Variants in MAEA observed in about 807,000 individuals in gnomAD.
The protein encoded by MAEA is E3 ubiquitin-protein transferase MAEA.
Under a neutral mutation model 46.2 loss-of-function variants are expected in MAEA, and 22 were observed. The ratio of observed to expected loss-of-function variants is 0.48; its 90% CI spans 0.34 to 0.68. The LOEUF is 0.68. MAEA is among the 30% of genes least tolerant of loss of function. MAEA has a pLI of 0.01. For missense variants in MAEA, 393 were observed against 558.1 expected, an observed-to-expected ratio of 0.70 and a Z score of 2.98; for synonymous variants, 246 against 222.6, an observed-to-expected ratio of 1.11 and a Z score of -0.94.
intron 1 of MAEA, among the ~76,000 whole-genome samples, chr4:1,301,865 A>T (rs1039617563): frequency 1.3e-5 from 2 of 152,278 alleles, no homozygotes; most frequent in Non-Finnish European, 2.9e-5. Context: ...TGAAGTTACT[A>T]CAAAAAACCT....
intron 7 of MAEA, 49 bp from the exon 8 acceptor site, chr4:1,338,373 C>T: frequency 1.3e-6 from 2 of 1,514,224 alleles, no homozygotes; most frequent in Non-Finnish European, 1.8e-6. Flanking sequence ...GCTGGGCTCA[C>T]CCCGGCTGCC....
chr4:1,290,006 T>C (rs373958806), intron 1 of MAEA, 24 bp downstream of exon 1: 2 of 1,563,820 alleles, frequency 1.3e-6, no homozygotes, highest in Non-Finnish European at 1.7e-6. Context: ...CCGCGCAGGC[T>C]GAGGGCAGCG....
rs144518121 is a variant in MAEA at position 1,320,253 on chromosome 4, G to A, written c.457-2128G>A. On this transcript the variant is annotated intron_variant, in intron 3 of 8. Transcript: ENST00000303400. Reference sequence around the variant, plus strand: ...CTTCAGAAAAGAAATCAAAGCAAACGTGCAAGAAAACTCTATGACGGGGCT... The same window carrying A: ...CTTCAGAAAAGAAATCAAAGCAAACATGCAAGAAAACTCTATGACGGGGCT... 1.5e-3 allele frequency among the ~76,000 whole-genome samples: 218 copies of A among 142,926 alleles called. 1 individual carries two copies. Among genetic ancestry groups the A allele is most frequent in the African/African-American group, 5.5e-3 (206 of 37,670 alleles). 93.8% of individuals were successfully genotyped at this position (142,926 alleles called of 152,430 possible). A position where few individuals can be genotyped will look rare whatever the true frequency, so the allele number is the denominator to read the frequency against.
Position 1,299,270 on chromosome 4 carries a change from C to T in MAEA, c.69+9288C>T, listed in dbSNP as rs74567170. On this transcript the variant is annotated intron_variant, in intron 1 of 8. Transcript: ENST00000303400. ...CCCTTCTCTTCGGGAAGGGCAGCCC[C>T]TCCATCTCCCTTGGTCAGGCCAGAA... is the stretch of plus-strand genomic sequence containing the variant. Among the ~76,000 whole-genome samples the T allele has an allele frequency of 2.3e-3, 357 of 152,332 alleles. 2 individuals are homozygous for T. The highest frequency in any genetic ancestry group is 8.2e-3 in the African/African-American group (340 of 41,572).
At position 1,322,510 on chromosome 4, in the gene MAEA, G is replaced by C. The variant is rs570852502; in HGVS notation, c.579+7G>C. On this transcript the variant is annotated splice_region_variant and intron_variant, in intron 4 of 8. Transcript: ENST00000303400. ...CCGGCTCCGGAAGATGAAGGTGCAC[G>C]GACTCCCAGGTTGGGGTGGGAGTGG... 1 of 1,613,284 alleles carries C rather than the reference G, an allele frequency of 6.2e-7. No individual in the cohort carries two copies. The highest frequency in any genetic ancestry group is 8.5e-7 in the Non-Finnish European group (1 of 1,179,752).
At chr4:1,292,734 C>T (rs551321424) in intron 1 of MAEA, among the ~76,000 whole-genome samples, 1 of 152,284 alleles carries the variant, frequency 6.6e-6, no homozygotes, top group Admixed American at 6.5e-5. Flanking sequence ...CTTGTTTCTT[C>T]CTCTTACCAA....
rs1215294359 is a variant in MAEA at position 1,311,200 on chromosome 4, G to C, written c.70-779G>C. Among the ~76,000 whole-genome samples, 1 of 152,244 alleles carries C rather than the reference G, an allele frequency of 6.6e-6. No homozygotes were observed. Among genetic ancestry groups the C allele is most frequent in the African/African-American group, 2.4e-5 (1 of 41,470 alleles). ...TTGCTGATGCGCTGTGTGGTGAGCTGCCGGCCACCAGTGCAGCCAGGACCG... is the reference window on the plus strand; with the variant it reads ...TTGCTGATGCGCTGTGTGGTGAGCTCCCGGCCACCAGTGCAGCCAGGACCG... On this transcript the variant is annotated intron_variant, in intron 1 of 8. Coordinates refer to ENST00000303400, the MANE Select transcript of MAEA (RefSeq NM_001017405.3). This position sits in a 1 kb window ranked among gnomAD's most constrained non-coding sequence, Gnocchi z 4.4.
intron 1 of MAEA, among the ~76,000 whole-genome samples, chr4:1,303,388 A>G (rs1735519975): frequency 1.1e-5 from 1 of 93,016 alleles, no homozygotes; most frequent in Non-Finnish European, 1.9e-5. Context: ...GGCGACAGTG[A>G]GACTCTGTCT....
intron 3 of MAEA, among the ~76,000 whole-genome samples, chr4:1,318,883 C>G (rs1737653714): frequency 6.6e-6 from 1 of 152,116 alleles, no homozygotes; most frequent in Non-Finnish European, 1.5e-5. Flanking sequence ...GAGCAAGGTC[C>G]CAGACAATAC....
At chr4:1,322,089 G>A (rs1179864082) in intron 3 of MAEA, among the ~76,000 whole-genome samples, 4 of 152,202 alleles carry the variant, frequency 2.6e-5, no homozygotes, top group African/African-American at 9.6e-5. Context: ...GCCTGCATGT[G>A]TGTCTCAGCA....
intron 5 of MAEA, chr4:1,329,944 G>C (rs1739325915): frequency 1.0e-6 from 1 of 985,464 alleles, no homozygotes; most frequent in Non-Finnish European, 1.2e-6. Context: ...GGAGCGTCGG[G>C]CACCATCTAC....
chr4:1,294,379 G>T (rs1043587772), intron 1 of MAEA, among the ~76,000 whole-genome samples: 1 of 152,150 alleles, frequency 6.6e-6, no homozygotes, highest in African/African-American at 2.4e-5. Context: ...CTAGCTGGGG[G>T]GTTGGTTTTG....
chr4:1,306,176 TG>T lies in MAEA; in HGVS notation c.70-5802del, dbSNP rs146415235. Among the ~76,000 whole-genome samples the T allele has an allele frequency of 3.0e-3, 458 of 152,290 alleles. 5 individuals are homozygous for T. Among genetic ancestry groups the T allele is most frequent in the African/African-American group, 0.011 (445 of 41,546 alleles). ...ACACCCAGAATAATACTTGGCCAAA[TG>T]TTTGTTGGGGAACCTGGCAGCGTCA... is the stretch of plus-strand genomic sequence containing the variant. On this transcript the variant is annotated intron_variant, in intron 1 of 8. Coordinates refer to ENST00000303400, the MANE Select transcript of MAEA (RefSeq NM_001017405.3).
At chr4:1,300,585 G>A (rs536155106) in intron 1 of MAEA, among the ~76,000 whole-genome samples, 31 of 152,390 alleles carry the variant, frequency 2.0e-4, no homozygotes, top group South Asian at 1.2e-3. Flanking sequence ...CGGCTCTTCC[G>A]TGCTGCCGGC....
chr4:1,329,480 C>T (rs1193661536), intron 5 of MAEA: 29 of 985,212 alleles, frequency 2.9e-5, no homozygotes, highest in Non-Finnish European at 2.9e-5. Flanking sequence ...CGTGTCCTTC[C>T]TCCCGCAAGC....
chr4:1,338,665 G>A (rs1713122880), intron 8 of MAEA, 48 bp downstream of exon 8: 2 of 1,533,444 alleles, frequency 1.3e-6, no homozygotes, highest in Non-Finnish European at 1.8e-6. Context: ...ATCGCCATCG[G>A]GACAGGGCTG....
At chr4:1,322,982 G>T (rs2108961437) in intron 4 of MAEA, among the ~76,000 whole-genome samples, 1 of 115,642 alleles carries the variant, frequency 8.6e-6, no homozygotes, top group Non-Finnish European at 1.6e-5. Flanking sequence ...TTGAGACGGA[G>T]TCTCGCTTTG....
intron 3 of MAEA, 151 bp from the exon 4 acceptor site, chr4:1,322,230 G>A: frequency 9.1e-7 from 1 of 1,095,890 alleles, no homozygotes; most frequent in Non-Finnish European, 1.3e-6. Flanking sequence ...GCCCTGAGTA[G>A]TCCACGAGTG....
chr4:1,317,973 C>A (rs1737514106), intron 3 of MAEA, among the ~76,000 whole-genome samples: 1 of 152,192 alleles, frequency 6.6e-6, no homozygotes, highest in African/African-American at 2.4e-5. Flanking sequence ...TTTTCCTCCA[C>A]CTGGGTGTCA....
Sources: allele counts gnomAD v4.1 joint callset (sites outside exome capture counted in the v4.1 genomes callset), GRCh38; gene constraint gnomAD v4.1.1; non-coding constraint Gnocchi (gnomAD v3.1); transcripts MANE v1.5; gene names NCBI Gene and HGNC (gene_info 2026-07-23, HGNC 2026-07-21).